AFAP1: variants seen among roughly 807,000 people sequenced by gnomAD.
AFAP1 encodes actin filament associated protein 1, also known as actin filament-associated protein 1.
A neutral mutation model predicts 93.9 loss-of-function variants in AFAP1; 75 were observed. The observed-to-expected ratio is 0.80, with a 90% CI of 0.66 to 0.97. The LOEUF is 0.97. AFAP1 is among the 50% of genes least tolerant of loss of function. AFAP1 has a pLI of 0.00. For missense variants in AFAP1, 1,201 were observed against 1,050.8 expected (o/e 1.14, Z -1.98); for synonymous variants, 517 against 430.7 (o/e 1.20, Z -2.48).
At chr4:7,906,926 C>G (rs1411918954) in intron 1 of AFAP1, among the ~76,000 whole-genome samples, 1 of 150,788 alleles carries the variant, frequency 6.6e-6, no homozygotes, top group Admixed American at 6.6e-5. Context: ...CGCTTGAACT[C>G]GGGAGGCGGA....
chr4:7,794,165 A>C (rs1718165328), intron 10 of AFAP1, among the ~76,000 whole-genome samples: 1 of 152,160 alleles, frequency 6.6e-6, no homozygotes, highest in Non-Finnish European at 1.5e-5. Flanking sequence ...GCCTTTGGCA[A>C]CACCACCTGA....
chr4:7,812,703 A>C (rs1720155262), intron 8 of AFAP1, among the ~76,000 whole-genome samples: 1 of 152,202 alleles, frequency 6.6e-6, no homozygotes. Context: ...CTGGAGCAAG[A>C]CTAACGCCGG....
chr4:7,823,126 C>G (rs935391036), intron 6 of AFAP1, among the ~76,000 whole-genome samples: 28 of 152,144 alleles, frequency 1.8e-4, no homozygotes, highest in African/African-American at 6.3e-4. Flanking sequence ...GCAGGGCTCC[C>G]CCTCCACACA....
intron 1 of AFAP1, among the ~76,000 whole-genome samples, chr4:7,935,976 A>G (rs58156060): frequency 0.013 from 1,976 of 152,344 alleles, 47 homozygotes; most frequent in African/African-American, 0.045. Context: ...CTAGAAAACC[A>G]TAAAGAAAAT....
intron 6 of AFAP1, among the ~76,000 whole-genome samples, chr4:7,822,943 C>T (rs1560181081): frequency 6.6e-6 from 1 of 151,924 alleles, no homozygotes; most frequent in Non-Finnish European, 1.5e-5. Context: ...AGCACTACTC[C>T]AATTATTCCC....
At chr4:7,766,106 C>A (rs1486069593) in intron 17 of AFAP1, among the ~76,000 whole-genome samples, 1 of 152,204 alleles carries the variant, frequency 6.6e-6, no homozygotes, top group Non-Finnish European at 1.5e-5. Context: ...AAATTCACAG[C>A]ACTAGCAAAT....
chr4:7,834,089 G>GCACA (rs1241548796), intron 6 of AFAP1, among the ~76,000 whole-genome samples: 5 of 39,396 alleles, frequency 1.3e-4, no homozygotes, highest in Admixed American at 5.9e-4. Context: ...AGAAACTGTG[G>GCACA]CATACACACA....
At chr4:7,840,872 C>T (rs1577278902) in intron 5 of AFAP1, among the ~76,000 whole-genome samples, 1 of 152,198 alleles carries the variant, frequency 6.6e-6, no homozygotes, top group East Asian at 1.9e-4. Context: ...CCTTTTTAAT[C>T]GACATGTAAT....
chr4:7,834,272 T>C (rs1437645570), intron 6 of AFAP1, among the ~76,000 whole-genome samples: 2 of 152,174 alleles, frequency 1.3e-5, no homozygotes, highest in Non-Finnish European at 2.9e-5. Flanking sequence ...CACTCATAAG[T>C]GGGAGCTAAG....
intron 6 of AFAP1, among the ~76,000 whole-genome samples, chr4:7,827,810 G>C (rs567089954): frequency 2.6e-5 from 4 of 152,006 alleles, no homozygotes; most frequent in African/African-American, 9.7e-5. Context: ...CTCCACACCC[G>C]GAGGACCAAT....
chr4:7,906,564 C>T (rs1023881541), intron 1 of AFAP1, among the ~76,000 whole-genome samples: 2 of 152,168 alleles, frequency 1.3e-5, no homozygotes, highest in Non-Finnish European at 1.5e-5. Flanking sequence ...GACAGTATCA[C>T]TCCGGCCCAG....
At chr4:7,879,535 A>G (rs999663765) in intron 1 of AFAP1, among the ~76,000 whole-genome samples, 76 of 152,156 alleles carry the variant, frequency 5.0e-4, no homozygotes, top group African/African-American at 1.6e-3. Flanking sequence ...TTCCCCAAAC[A>G]CCGACACCAA....
At chr4:7,900,910 G>A (rs759799259) in intron 1 of AFAP1, among the ~76,000 whole-genome samples, 5 of 152,174 alleles carry the variant, frequency 3.3e-5, no homozygotes, top group South Asian at 2.1e-4. Flanking sequence ...CTGAGACACC[G>A]TCAGGGCCTC....
chr4:7,880,244 T>C (rs1717761405), intron 1 of AFAP1, among the ~76,000 whole-genome samples: 1 of 151,896 alleles, frequency 6.6e-6, no homozygotes, highest in Admixed American at 6.6e-5. Flanking sequence ...AATCATGGAT[T>C]TGAAAGCTAG....
intron 8 of AFAP1, among the ~76,000 whole-genome samples, chr4:7,813,733 T>C (rs555417723): frequency 4.6e-5 from 7 of 152,292 alleles, no homozygotes; most frequent in East Asian, 1.9e-4. Context: ...AGAACCAAAA[T>C]TGCACTCAGA....
chr4:7,845,808 C>T (rs1285312721), intron 4 of AFAP1, among the ~76,000 whole-genome samples: 1 of 152,152 alleles, frequency 6.6e-6, no homozygotes, highest in East Asian at 1.9e-4. Flanking sequence ...TCAAGTCCCA[C>T]ATGTCAACTG....
At chr4:7,890,743 G>A (rs1577338120) in intron 1 of AFAP1, among the ~76,000 whole-genome samples, 1 of 152,082 alleles carries the variant, frequency 6.6e-6, no homozygotes, top group South Asian at 2.1e-4. Flanking sequence ...ACAATGAGAT[G>A]CCCTGATACA....
intron 15 of AFAP1, chr4:7,774,523 G>T: frequency 1.5e-6 from 1 of 671,546 alleles, no homozygotes; most frequent in Non-Finnish European, 2.4e-6. Context: ...GTCTGGCCCT[G>T]GCCTCTGCCT....
intron 6 of AFAP1, among the ~76,000 whole-genome samples, chr4:7,822,251 G>A (rs1226506692): frequency 6.6e-6 from 1 of 152,116 alleles, no homozygotes; most frequent in Non-Finnish European, 1.5e-5. Context: ...ATGTGAAGCT[G>A]AGCAATTCTC....
Sources: gnomAD v4.1 joint callset for allele counts (sites outside exome capture counted in the v4.1 genomes callset) on GRCh38, gnomAD v4.1.1 for gene constraint, MANE v1.5 for transcripts, NCBI Gene and HGNC (gene_info 2026-07-23, HGNC 2026-07-21) for gene names.